CD8B: variants seen among roughly 807,000 people sequenced by gnomAD.
CD8B encodes the protein T-cell surface glycoprotein CD8 beta chain.
In CD8B, 6 loss-of-function variants were observed where a neutral mutation model predicts 24.2. That is an observed-to-expected ratio of 0.25 (90% CI 0.14 to 0.49). The LOEUF is 0.49. Among genes scored for constraint, CD8B ranks in the 20% least tolerant of loss-of-function variants. The pLI is 0.98. For synonymous variants in CD8B, 84 were observed against 108.3 expected (o/e 0.78, Z 1.39); for missense variants, 196 against 271.3 (o/e 0.72, Z 1.95).
intron 5 of CD8B, among the ~76,000 whole-genome samples, chr2:86,829,889 G>A (rs538665023): frequency 1.1e-4 from 17 of 152,184 alleles, no homozygotes; most frequent in Non-Finnish European, 2.2e-4. Flanking sequence ...CTCTTCTGCC[G>A]AGAGCTGGGT....
intron 5 of CD8B, among the ~76,000 whole-genome samples, chr2:86,830,365 G>A (rs748995071): frequency 6.6e-6 from 1 of 152,136 alleles, no homozygotes; most frequent in African/African-American, 2.4e-5. Context: ...CCAGCAGTTC[G>A]AGACCAGCCT....
chr2:86,853,852 C>T (rs868157799), intron 2 of CD8B, among the ~76,000 whole-genome samples: 2 of 152,072 alleles, frequency 1.3e-5, no homozygotes, highest in African/African-American at 4.8e-5. Context: ...ATTACAGGCA[C>T]GTACCACTGC....
intron 5 of CD8B, among the ~76,000 whole-genome samples, chr2:86,822,854 C>T (rs1422048131): frequency 6.6e-6 from 1 of 152,200 alleles, no homozygotes; most frequent in African/African-American, 2.4e-5. Context: ...CTTCTTATCT[C>T]ATGTTGTTGG....
chr2:86,858,575 C>T (rs938216454), intron 1 of CD8B, among the ~76,000 whole-genome samples, 159 bp from the exon 2 acceptor site: 2 of 140,818 alleles, frequency 1.4e-5, no homozygotes, highest in African/African-American at 2.7e-5. Context: ...GGCTCCTGGA[C>T]TCAGAGTTCA....
intron 5 of CD8B, among the ~76,000 whole-genome samples, chr2:86,830,485 T>C (rs1352537698): frequency 6.6e-6 from 1 of 151,952 alleles, no homozygotes; most frequent in East Asian, 1.9e-4. Flanking sequence ...GAGAATTGCT[T>C]GAACCTGGCA....
intron 5 of CD8B, among the ~76,000 whole-genome samples, chr2:86,816,609 TG>T (rs1344363055): frequency 2.0e-5 from 3 of 152,192 alleles, no homozygotes; most frequent in Non-Finnish European, 4.4e-5. Flanking sequence ...TGGAGATGGC[TG>T]GGCACTCCTG....
chr2:86,861,143 A>G (rs1362767338), intron 1 of CD8B, among the ~76,000 whole-genome samples: 1 of 152,160 alleles, frequency 6.6e-6, no homozygotes, highest in African/African-American at 2.4e-5. Flanking sequence ...ACGAGAGCAA[A>G]TCGACCAGTT....
At chr2:86,825,703 CA>C (rs1490345627) in intron 5 of CD8B, among the ~76,000 whole-genome samples, 1 of 152,178 alleles carries the variant, frequency 6.6e-6, no homozygotes, top group Non-Finnish European at 1.5e-5. Context: ...CATGCAGCGG[CA>C]ACATGAGCAA....
downstream of CD8B, among the ~76,000 whole-genome samples, chr2:86,837,418 T>G (rs577687116): frequency 4.6e-5 from 7 of 152,304 alleles, no homozygotes; most frequent in African/African-American, 1.7e-4. Context: ...GGTTTCCTTC[T>G]GTTTGAGTTA....
intron 2 of CD8B, 114 bp downstream of exon 2, chr2:86,857,943 G>T: frequency 9.5e-7 from 1 of 1,050,658 alleles, no homozygotes; most frequent in South Asian, 1.5e-5. Flanking sequence ...ATTAGCAGCA[G>T]TGCCATTAGT....
At chr2:86,827,043 A>G (rs2104507626) in intron 5 of CD8B, among the ~76,000 whole-genome samples, 1 of 151,294 alleles carries the variant, frequency 6.6e-6, no homozygotes, top group East Asian at 2.0e-4. Context: ...CTGGTCTCCA[A>G]CTCCTGACCT....
At chr2:86,837,891 G>A (rs569856017), downstream of CD8B, among the ~76,000 whole-genome samples, 428 of 152,194 alleles carry the variant, frequency 2.8e-3, 2 homozygotes, top group African/African-American at 9.8e-3. Context: ...TCTCCTTCAG[G>A]GCAGAGAACC....
chr2:86,825,600 G>A (rs1186311969), intron 5 of CD8B, among the ~76,000 whole-genome samples: 1 of 152,206 alleles, frequency 6.6e-6, no homozygotes, highest in Admixed American at 6.5e-5. Context: ...GGAAAAGACT[G>A]AGCCAGGTGA....
intron 1 of CD8B, among the ~76,000 whole-genome samples, chr2:86,861,431 A>G (rs1471466855): frequency 1.3e-5 from 2 of 152,040 alleles, no homozygotes; most frequent in Non-Finnish European, 2.9e-5. Flanking sequence ...ATGTGTCCAC[A>G]GGACCCATGG....
At chr2:86,830,130 C>A (rs1382422539) in intron 5 of CD8B, among the ~76,000 whole-genome samples, 1 of 152,080 alleles carries the variant, frequency 6.6e-6, no homozygotes, top group African/African-American at 2.4e-5. Flanking sequence ...GTGGTACGAT[C>A]CTGGCACACT....
At chr2:86,826,200 CAG>C in intron 5 of CD8B, among the ~76,000 whole-genome samples, 1 of 152,192 alleles carries the variant, frequency 6.6e-6, no homozygotes, top group Admixed American at 6.5e-5. Flanking sequence ...CCCCGGTTGT[CAG>C]AGGAGTCCAT....
intron 1 of CD8B, among the ~76,000 whole-genome samples, chr2:86,861,004 G>A (rs1413894224): frequency 2.0e-5 from 3 of 152,222 alleles, no homozygotes; most frequent in Non-Finnish European, 4.4e-5. Context: ...AGATCCATCA[G>A]TAATGACTTT....
rs1675408254 is a variant in CD8B at position 86,841,270 on chromosome 2, C to T, written c.*1037G>A. Among the ~76,000 whole-genome samples the T allele has an allele frequency of 6.8e-6, 1 of 146,870 alleles. No homozygotes were observed. Among genetic ancestry groups the T allele is most frequent in the Non-Finnish European group, 1.5e-5 (1 of 66,906 alleles). Reference sequence around the variant, plus strand: ...GAGACATGTGACAGAACCCCTCATGCCTCCTACCTTCTGTTTGGTGCCTGA... The same window carrying T: ...GAGACATGTGACAGAACCCCTCATGTCTCCTACCTTCTGTTTGGTGCCTGA... On this transcript the variant is annotated 3_prime_UTR_variant, in exon 6 of 6. Transcript: ENST00000390655.
intron 1 of CD8B, among the ~76,000 whole-genome samples, chr2:86,861,012 T>C (rs1472229574): frequency 6.6e-6 from 1 of 152,180 alleles, no homozygotes; most frequent in African/African-American, 2.4e-5. Context: ...CAGTAATGAC[T>C]TTAGTGCTCT....
Sources: allele counts gnomAD v4.1 joint callset (sites outside exome capture counted in the v4.1 genomes callset), GRCh38; gene constraint gnomAD v4.1.1; transcripts MANE v1.5; gene names NCBI Gene and HGNC (gene_info 2026-07-23, HGNC 2026-07-21).